Variants in PRKCA observed in about 807,000 individuals in gnomAD.
The protein encoded by PRKCA is protein kinase C alpha.
PRKCA carries 27 observed loss-of-function variants against 87.0 expected under a neutral mutation model. The observed-to-expected ratio is 0.31, with a 90% CI of 0.23 to 0.43. The LOEUF (loss-of-function observed/expected upper bound fraction) is 0.43, where lower values mean the gene tolerates loss of function less well. PRKCA is among the 20% of genes least tolerant of loss of function. PRKCA has a pLI of 1.00. For missense variants in PRKCA, 518 were observed against 852.3 expected (o/e 0.61, Z 4.88); for synonymous variants, 329 against 311.1 (o/e 1.06, Z -0.61).
intron 2 of PRKCA, among the ~76,000 whole-genome samples, chr17:66,425,672 G>A (rs1053169113): frequency 2.6e-5 from 4 of 152,180 alleles, no homozygotes; most frequent in Admixed American, 6.5e-5. Flanking sequence ...CGATTTTAGC[G>A]ATCTTAGAAA....
intron 3 of PRKCA, among the ~76,000 whole-genome samples, chr17:66,548,446 G>A (rs1478822510): frequency 6.6e-6 from 1 of 152,102 alleles, no homozygotes; most frequent in Non-Finnish European, 1.5e-5. Context: ...TAAAGGACAC[G>A]TCCTCTAACA....
intron 3 of PRKCA, among the ~76,000 whole-genome samples, chr17:66,501,133 G>A (rs562832112): frequency 1.3e-5 from 2 of 152,284 alleles, no homozygotes; most frequent in South Asian, 4.1e-4. Flanking sequence ...AAGATGAAAG[G>A]ATGGGAAAAG....
At chr17:66,757,693 G>T (rs912128850) in intron 13 of PRKCA, among the ~76,000 whole-genome samples, 2 of 151,942 alleles carry the variant, frequency 1.3e-5, no homozygotes, top group African/African-American at 4.8e-5. Context: ...CAGTAGACCA[G>T]CCTGGCAAGA....
At chr17:66,366,018 A>G (rs1022488188) in intron 2 of PRKCA, among the ~76,000 whole-genome samples, 4 of 152,148 alleles carry the variant, frequency 2.6e-5, no homozygotes, top group Non-Finnish European at 5.9e-5. Flanking sequence ...CGTGACCAAT[A>G]TGCTTTGTAC....
intron 3 of PRKCA, among the ~76,000 whole-genome samples, chr17:66,612,030 A>G (rs1207554044): frequency 6.6e-6 from 1 of 151,750 alleles, no homozygotes; most frequent in African/African-American, 2.4e-5. Context: ...CTTACCATTG[A>G]TGGGAAAAAC....
intron 2 of PRKCA, among the ~76,000 whole-genome samples, chr17:66,347,941 CTTTTTTT>C (rs57292153): frequency 1.8e-5 from 1 of 56,454 alleles, no homozygotes; most frequent in Admixed American, 3.9e-4. Context: ...AATTCTGAAC[CTTTTTTT>C]TTTTTTTTTT....
At chr17:66,675,097 A>G (rs1339604168) in intron 5 of PRKCA, among the ~76,000 whole-genome samples, 1 of 152,210 alleles carries the variant, frequency 6.6e-6, no homozygotes, top group Non-Finnish European at 1.5e-5. Flanking sequence ...CTATTAATAT[A>G]TCTTTTTAAC....
chr17:66,576,417 A>G (rs1329191024), intron 3 of PRKCA, among the ~76,000 whole-genome samples: 1 of 152,248 alleles, frequency 6.6e-6, no homozygotes, highest in Admixed American at 6.5e-5. Flanking sequence ...AGCCCATACT[A>G]TAGAGACCAT....
At chr17:66,451,659 A>G (rs1914330254) in intron 2 of PRKCA, among the ~76,000 whole-genome samples, 1 of 152,146 alleles carries the variant, frequency 6.6e-6, no homozygotes, top group East Asian at 1.9e-4. Context: ...AGCCTGGATA[A>G]GGAAGCGCCC....
intron 3 of PRKCA, among the ~76,000 whole-genome samples, chr17:66,528,221 C>CAAAAAAAAAAAAAAAAAA (rs60533049): frequency 1.2e-5 from 1 of 85,948 alleles, no homozygotes; most frequent in Non-Finnish European, 2.2e-5. Flanking sequence ...AACTCTGTCT[C>CAAAAAAAAAAAAAAAAAA]AAAAAAAAAA....
Position 66,399,080 on chromosome 17 carries a change from A to ATTTTCTTTTC in PRKCA, c.205+92968_205+92977dup, listed in dbSNP as rs61604684. ...ATTGATGCACCATGTGGTAGACAGC[A>ATTTTCTTTTC]TTTTCTTTTCTTTTCTTTTCTTTTT... On this transcript the variant is annotated intron_variant, in intron 2 of 16. Coordinates refer to ENST00000413366, the MANE Select transcript of PRKCA (RefSeq NM_002737.3). Among the ~76,000 whole-genome samples, 491 of 123,716 alleles carry ATTTTCTTTTC rather than the reference A, an allele frequency of 4.0e-3. 13 individuals are homozygous for ATTTTCTTTTC. The highest frequency in any genetic ancestry group is 8.0e-3 in the East Asian group (33 of 4,116). 81.2% of individuals were successfully genotyped at this position (123,716 alleles called of 152,430 possible).
At chr17:66,725,385 TGA>T (rs1973719718) in intron 8 of PRKCA, among the ~76,000 whole-genome samples, 2 of 152,300 alleles carry the variant, frequency 1.3e-5, no homozygotes, top group South Asian at 4.1e-4. Flanking sequence ...TGTGAATGAA[TGA>T]GAGAGAGAAC....
chr17:66,800,247 G>C (rs1975869685), intron 16 of PRKCA, among the ~76,000 whole-genome samples: 1 of 152,240 alleles, frequency 6.6e-6, no homozygotes, highest in African/African-American at 2.4e-5. Context: ...TTTACAGTGA[G>C]AAAGAAGAGG....
Position 66,504,061 on chromosome 17 carries a change from G to A in PRKCA, c.288+7778G>A, listed in dbSNP as rs1316644519. On this transcript the variant is annotated intron_variant, in intron 3 of 16. Coordinates refer to ENST00000413366, the MANE Select transcript of PRKCA (RefSeq NM_002737.3). The stretch of plus-strand genomic sequence containing the variant: ...GGGAGTCCTGCCAGGCCACATTACT[G>A]AAGCCCTTTCTAGACCTTTGTTTTC... Among the ~76,000 whole-genome samples, 6 of 152,154 alleles carry A rather than the reference G, an allele frequency of 3.9e-5. 1 individual carries two copies. The highest frequency in any genetic ancestry group is 1.4e-4 in the African/African-American group (6 of 41,438).
intron 2 of PRKCA, among the ~76,000 whole-genome samples, chr17:66,336,445 A>G (rs1305619035): frequency 6.6e-6 from 1 of 152,182 alleles, no homozygotes; most frequent in Non-Finnish European, 1.5e-5. Flanking sequence ...TTCTCCTTCC[A>G]GGGGATGAAA....
chr17:66,463,444 G>T (rs1452829469), intron 2 of PRKCA, among the ~76,000 whole-genome samples: 1 of 151,678 alleles, frequency 6.6e-6, no homozygotes, highest in Non-Finnish European at 1.5e-5. Context: ...CGCCCAAGCT[G>T]GAGTGCAGTG....
chr17:66,749,702 C>T (rs572609480), intron 13 of PRKCA, among the ~76,000 whole-genome samples: 48 of 152,322 alleles, frequency 3.2e-4, no homozygotes, highest in African/African-American at 1.1e-3. Context: ...GGTGCCTGCA[C>T]GCTGCGCTCC....
intron 2 of PRKCA, among the ~76,000 whole-genome samples, chr17:66,402,572 T>A (rs901409608): frequency 2.0e-5 from 3 of 152,100 alleles, no homozygotes; most frequent in Non-Finnish European, 4.4e-5. Context: ...ATCAAATCCA[T>A]CCAACAAGTC....
At chr17:66,775,943 T>A (rs1004450830) in intron 14 of PRKCA, among the ~76,000 whole-genome samples, 2 of 151,856 alleles carry the variant, frequency 1.3e-5, no homozygotes, top group African/African-American at 4.8e-5. Context: ...AAGAAGATAG[T>A]GTTGGGGGAG....
Sources: allele counts gnomAD v4.1 joint callset (sites outside exome capture counted in the v4.1 genomes callset), GRCh38; gene constraint gnomAD v4.1.1; transcripts MANE v1.5; gene names NCBI Gene and HGNC (gene_info 2026-07-23, HGNC 2026-07-21).